The following SLC5A9 variants were observed in gnomAD, a reference collection of about 807,000 sequenced individuals.
The protein encoded by SLC5A9 is sodium/glucose cotransporter 4.
A neutral mutation model predicts 70.9 loss-of-function variants in SLC5A9; 59 were observed. The ratio of observed to expected loss-of-function variants is 0.83; its 90% CI spans 0.68 to 1.03. SLC5A9 has a LOEUF of 1.03. Among genes scored for constraint, SLC5A9 ranks in the 50% least tolerant of loss-of-function variants. SLC5A9 has a pLI of 0.00. For synonymous variants in SLC5A9, 340 were observed against 346.5 expected (o/e 0.98, Z 0.21); for missense variants, 832 against 881.1 (o/e 0.94, Z 0.71).
intron 12 of SLC5A9, 84 bp from the exon 13 acceptor site, chr1:48,242,373 T>C (rs1644400802): frequency 1.4e-6 from 2 of 1,473,828 alleles, no homozygotes; most frequent in Non-Finnish European, 9.1e-7. Flanking sequence ...TTTGCTCAGA[T>C]GGCCTTCCAT....
At chr1:48,230,160 G>T (rs560377977) in intron 4 of SLC5A9, among the ~76,000 whole-genome samples, 1 of 152,266 alleles carries the variant, frequency 6.6e-6, no homozygotes, top group South Asian at 2.1e-4. Context: ...TCTGCACCAG[G>T]GCTCCTGCCG....
In SLC5A9 at chr1:48,239,719, G is replaced by A. The variant is rs11205459; in HGVS notation, c.1677+182G>A. Among the ~76,000 whole-genome samples the A allele has an allele frequency of 0.27, 41,618 of 152,120 alleles. 6,813 individuals are homozygous for A. The highest frequency in any genetic ancestry group is 0.42 in the Middle Eastern group (123 of 294). On this transcript the variant is annotated intron_variant, in intron 12 of 13. Transcript: ENST00000438567. The surrounding 1 kb of genome is among the most constrained non-coding windows in gnomAD (Gnocchi z 4.2). ...CATTGAAAAGTAATTCATTCAACTC[G>A]AAAATTACTCAGTGAGTACTTACTA...
chr1:48,245,375 G>C lies in SLC5A9; in HGVS notation c.1838-1960G>C, dbSNP rs186893614. Among the ~76,000 whole-genome samples, 12 of 152,254 alleles carry C rather than the reference G, an allele frequency of 7.9e-5. No individual in the cohort carries two copies. In the East Asian group the frequency reaches 2.3e-3, roughly 30 times the overall value. Reference sequence around the variant, plus strand: ...CAGCTGGTCCCCATGCCAAGGGACAGAGTAGTCCCTGGAGAAGCCAAGAGA... The same window carrying C: ...CAGCTGGTCCCCATGCCAAGGGACACAGTAGTCCCTGGAGAAGCCAAGAGA... On this transcript the variant is annotated intron_variant, in intron 13 of 13. Coordinates refer to ENST00000438567, the MANE Select transcript of SLC5A9 (RefSeq NM_001011547.3).
intron 4 of SLC5A9, among the ~76,000 whole-genome samples, chr1:48,230,092 C>A (rs1214971102): frequency 6.6e-6 from 1 of 152,224 alleles, no homozygotes. Context: ...TAAGCTCAGG[C>A]TATAAGCCCA....
rs755047115 is a variant in SLC5A9, at chr1:48,247,345, G to A, written c.1848G>A (p.Arg616=). ...GCTTTGTCCCTCCAGCCCCAAGCAG[G>A]TCCTGGGGAAAGTTGCTCTGGAGCT... is the stretch of plus-strand genomic sequence containing the variant. ...LGQEQPEAPS[R]SWGKLLWSWF... is the part of the protein sequence containing the mutation. Residue 616 remains arginine, a synonymous_variant, in exon 14 of 14, where the codon AGG becomes AGA. Transcript: ENST00000438567. The A allele has an allele frequency of 1.2e-6, 2 of 1,613,930 alleles. No individual in the cohort carries two copies. Among genetic ancestry groups the A allele is most frequent in the East Asian group, 2.2e-5 (1 of 44,858 alleles).
intron 2 of SLC5A9, chr1:48,228,382 C>T (rs998206985): frequency 4.2e-5 from 7 of 165,784 alleles, no homozygotes; most frequent in Non-Finnish European, 9.3e-5. Flanking sequence ...CCCTGGAGAA[C>T]TAACTCAGAG....
At position 48,229,474 on chromosome 1, in the gene SLC5A9, A is replaced by C. The variant is rs1644216028; in HGVS notation, c.504+15A>C. The C allele has an allele frequency of 6.2e-7, 1 of 1,613,026 alleles. No individual in the cohort carries two copies. The highest frequency in any genetic ancestry group is 1.7e-5 in the Admixed American group (1 of 59,968). Reference sequence around the variant, plus strand: ...CCAAGATCTCGGTAGGTGTCACTGCAATGTGGTCACTGTGTCTGGAAATGC... The same window carrying C: ...CCAAGATCTCGGTAGGTGTCACTGCCATGTGGTCACTGTGTCTGGAAATGC... On this transcript the variant is annotated intron_variant, in intron 4 of 13. Transcript: ENST00000438567.
chr1:48,222,966 T>C, intron 1 of SLC5A9, 68 bp downstream of exon 1: 1 of 1,548,928 alleles, frequency 6.5e-7, no homozygotes, highest in Non-Finnish European at 8.8e-7. Context: ...GGTGGGGCTG[T>C]GGAGCTGGGG....
intron 9 of SLC5A9, 97 bp from the exon 10 acceptor site, chr1:48,235,632 A>G: frequency 6.9e-7 from 1 of 1,447,292 alleles, no homozygotes; most frequent in Non-Finnish European, 9.5e-7. Context: ...CCCCACCCCC[A>G]GCTCCTGACT....
At chr1:48,238,097 A>T (rs1217058398) in intron 11 of SLC5A9, among the ~76,000 whole-genome samples, 1 of 152,216 alleles carries the variant, frequency 6.6e-6, no homozygotes, top group African/African-American at 2.4e-5. Context: ...CAGAGAGATA[A>T]CTGAATAAAC....
intron 13 of SLC5A9, among the ~76,000 whole-genome samples, chr1:48,245,641 T>A (rs1317618707): frequency 1.3e-5 from 2 of 152,264 alleles, no homozygotes; most frequent in Admixed American, 1.3e-4. Context: ...CATAGTATAA[T>A]GTTGAGTCCT....
At chr1:48,242,356 C>G in intron 12 of SLC5A9, 101 bp from the exon 13 acceptor site, 3 of 1,395,724 alleles carry the variant, frequency 2.1e-6, no homozygotes, top group Non-Finnish European at 2.9e-6. Flanking sequence ...TCTTTGTACT[C>G]TTTGCTTTTG....
chr1:48,232,079 C>T lies in SLC5A9; in HGVS notation c.825C>T (p.Ser275=), dbSNP rs61997212. Residue 275 remains serine (S), a synonymous_variant, in exon 7 of 14, where the codon AGC becomes AGT. Coordinates refer to ENST00000438567, the MANE Select transcript of SLC5A9 (RefSeq NM_001011547.3). ...TCCACATTCTTCGGGACCCTGTGAG[C>T]GGGGACATCCCTTGGCCAGGTCTCA... ...DAFHILRDPV[S]GDIPWPGLIF... The T allele has an allele frequency of 0.17, 268,062 of 1,614,044 alleles. 24,503 individuals are homozygous for T. Among genetic ancestry groups the T allele is most frequent in the Middle Eastern group, 0.21 (1,258 of 6,062 alleles).
intron 10 of SLC5A9, among the ~76,000 whole-genome samples, chr1:48,236,412 G>A (rs1260983489): frequency 2.0e-5 from 3 of 152,156 alleles, no homozygotes; most frequent in Non-Finnish European, 4.4e-5. Flanking sequence ...TTGCGTCAAT[G>A]GAGATTTTCA....
chr1:48,242,737 T>G, intron 13 of SLC5A9, 121 bp downstream of exon 13: 1 of 947,804 alleles, frequency 1.1e-6, no homozygotes, highest in South Asian at 2.2e-5. Flanking sequence ...CCTAACTCCT[T>G]TCCCACGTGG....
chr1:48,227,545 T>C (rs1476048188), intron 2 of SLC5A9, among the ~76,000 whole-genome samples: 1 of 148,318 alleles, frequency 6.7e-6, no homozygotes, highest in Non-Finnish European at 1.5e-5. Context: ...TGTGCCTGTG[T>C]GGGTGTGAGT....
intron 10 of SLC5A9, among the ~76,000 whole-genome samples, chr1:48,237,113 C>G (rs893183166): frequency 3.3e-5 from 5 of 152,130 alleles, no homozygotes; most frequent in Non-Finnish European, 7.3e-5. Context: ...CTTCACACAT[C>G]TGCAAAATCA....
intron 1 of SLC5A9, among the ~76,000 whole-genome samples, chr1:48,223,775 G>A (rs374604024): frequency 3.8e-4 from 58 of 152,296 alleles, no homozygotes; most frequent in African/African-American, 1.3e-3. Context: ...TAGTGCTGGT[G>A]TGAGGAAGAA....
intron 9 of SLC5A9, 84 bp downstream of exon 9, chr1:48,233,846 A>C: frequency 4.2e-6 from 4 of 957,338 alleles, no homozygotes; most frequent in Non-Finnish European, 6.6e-6. Flanking sequence ...AGGCACTAAC[A>C]TGGATGGGAA....
Sources: gnomAD v4.1 joint callset for allele counts (sites outside exome capture counted in the v4.1 genomes callset) on GRCh38, gnomAD v4.1.1 for gene constraint, Gnocchi (gnomAD v3.1) non-coding constraint, MANE v1.5 for transcripts, NCBI Gene and HGNC (gene_info 2026-07-23, HGNC 2026-07-21) for gene names.